The following TAC3 variants were observed in gnomAD, a reference collection of about 807,000 sequenced individuals.
TAC3 encodes the protein tachykinin precursor 3.
TAC3 carries 9 observed loss-of-function variants against 16.5 expected under a neutral mutation model. That is an observed-to-expected ratio of 0.55 (90% CI 0.33 to 0.95). TAC3 has a LOEUF of 0.95. Among genes scored for constraint, TAC3 ranks in the 40% least tolerant of loss-of-function variants. The pLI is 0.03. For synonymous variants in TAC3, 52 were observed against 56.7 expected (o/e 0.92, Z 0.37); for missense variants, 129 against 149.1 (o/e 0.87, Z 0.70).
Position 57,010,274 on chromosome 12 carries a change from T to A in TAC3, c.*16A>T. On this transcript the variant is annotated 3_prime_UTR_variant, in exon 7 of 7. Coordinates refer to ENST00000458521, the MANE Select transcript of TAC3 (RefSeq NM_013251.4). ...AGGTCTTCCTAATGCAGTCCAGGAG[T>A]CCGGAAGTGGAGTACTGAGGACAAA... 2.3e-6 allele frequency: 1 copy of A among 442,798 alleles called. No individual in the cohort carries two copies. The highest frequency in any genetic ancestry group is 4.5e-6 in the Non-Finnish European group (1 of 220,538). The allele number at this position is 442,798 out of a possible 1,614,324, so 27.4% of individuals were successfully genotyped here. A position where few individuals can be genotyped will look rare whatever the true frequency, so the allele number is the denominator to read the frequency against.
Position 57,012,792 on chromosome 12 carries a change from CCCTTCCACTGTA to C in TAC3, c.292+18_292+29del. 1 of 1,614,134 alleles carries C rather than the reference CCCTTCCACTGTA, an allele frequency of 6.2e-7. No individual in the cohort carries two copies. Among genetic ancestry groups the C allele is most frequent in the Admixed American group, 1.7e-5 (1 of 60,022 alleles). ...TGTCATACTCTGCCAGTACCCTAAGCCCTTCCACTGTACCTCCACACACTCCTACCTGGCTGG... is the reference window on the plus strand; with the variant it reads ...TGTCATACTCTGCCAGTACCCTAAGCCCTCCACACACTCCTACCTGGCTGG... On this transcript the variant is annotated intron_variant, in intron 5 of 6. Transcript: ENST00000458521.
chr12:57,012,961 G>T, intron 4 of TAC3, 86 bp from the exon 5 acceptor site: 1 of 1,541,696 alleles, frequency 6.5e-7, no homozygotes, highest in Non-Finnish European at 9.0e-7. Context: ...CTGAGACTGG[G>T]TTTCTGGTCT....
chr12:57,016,522 G>C lies in TAC3; in HGVS notation c.-141C>G. 2 of 454,490 alleles carry C rather than the reference G, an allele frequency of 4.4e-6. No homozygotes were observed. The highest frequency in any genetic ancestry group is 8.8e-6 in the Non-Finnish European group (2 of 226,780). 28.2% of individuals were successfully genotyped at this position (454,490 alleles called of 1,614,324 possible). A position where few individuals can be genotyped will look rare whatever the true frequency, so the allele number is the denominator to read the frequency against. ...AGAGAAACCGAGTGGAGGGGATCTA[G>C]GAAGGCTGCAGTCACTCAGTCCCAG... On this transcript the variant is annotated 5_prime_UTR_variant, in exon 1 of 7. Transcript: ENST00000458521.
intron 6 of TAC3, 100 bp downstream of exon 6, chr12:57,012,278 A>G: frequency 2.6e-6 from 3 of 1,147,238 alleles, no homozygotes; most frequent in Non-Finnish European, 3.8e-6. Context: ...GGGCAAATCT[A>G]TGAGCTTTAA....
intron 2 of TAC3, among the ~76,000 whole-genome samples, chr12:57,014,502 C>T (rs1330124806): frequency 6.6e-6 from 1 of 152,202 alleles, no homozygotes; most frequent in Admixed American, 6.5e-5. Context: ...GCCCCAATTT[C>T]CCTCATCCTC....
rs1204853207 is a variant in TAC3 at position 57,010,136 on chromosome 12, A to C, written c.*154T>G. 6.6e-6 allele frequency: 3 copies of C among 453,978 alleles called. No individual in the cohort carries two copies. Among genetic ancestry groups the C allele is most frequent in the Non-Finnish European group, 1.3e-5 (3 of 226,798 alleles). The allele number at this position is 453,978 out of a possible 1,614,324, so 28.1% of individuals were successfully genotyped here. On this transcript the variant is annotated 3_prime_UTR_variant, in exon 7 of 7. Transcript: ENST00000458521. Reference sequence around the variant, plus strand: ...GGGATATTCACTATGCAGTTTCCACACCAGGGTCAGGTAGAAAAGATGGAG... The same window carrying C: ...GGGATATTCACTATGCAGTTTCCACCCCAGGGTCAGGTAGAAAAGATGGAG...
rs766139407 is a variant in TAC3, at chr12:57,012,699, G to A, written c.292+123C>T. On this transcript the variant is annotated intron_variant, in intron 5 of 6. Transcript: ENST00000458521. The stretch of plus-strand genomic sequence containing the variant: ...AGCTGATTGGGATGAAGGGGCCGAG[G>A]AACCCTCACTGAAGGTAAGAAAGGT... 11 of 1,613,084 alleles carry A rather than the reference G, an allele frequency of 6.8e-6. No individual in the cohort carries two copies. The South Asian group carries it at 1.2e-4, about 18-fold the overall frequency.
rs1266924169 is a variant in TAC3, at chr12:57,015,710, C to T, written c.88G>A (p.Val30Met). The part of the protein sequence containing the change: ...GAVCKEPQEE[V>M]VPGGGRSKRD... Reference sequence around the variant, plus strand: ...TTGCTGCGGCCCCCGCCAGGAACCACCTCCTCCTGTGGCTCCTTACAGACA... The same window carrying T: ...TTGCTGCGGCCCCCGCCAGGAACCATCTCCTCCTGTGGCTCCTTACAGACA... The change falls in exon 2 of 7, where the codon GTG becomes ATG. Residue 30 changes from valine to methionine, a missense_variant. Val to Met is a conservative substitution (Grantham distance 21, BLOSUM62 1). Transcript: ENST00000458521. 3 of 1,614,002 alleles carry T rather than the reference C, an allele frequency of 1.9e-6. No homozygotes were observed. The highest frequency in any genetic ancestry group is 1.7e-5 in the Admixed American group (1 of 60,014).
Position 57,013,650 on chromosome 12 carries a change from G to A in TAC3, c.136C>T (p.Leu46=), listed in dbSNP as rs1285056984. ...TGGCTTTTGAAGAGTCTCTGGAGCAGCTGGTAGAGATCTGGATCCCTCTAG... is the reference window on the plus strand; with the variant it reads ...TGGCTTTTGAAGAGTCTCTGGAGCAACTGGTAGAGATCTGGATCCCTCTAG... ...RSKRDPDLYQ[L]LQRLFKSHSS... Residue 46 remains leucine (L), a synonymous_variant, in exon 3 of 7, where the codon CTG becomes TTG. Coordinates refer to ENST00000458521, the MANE Select transcript of TAC3 (RefSeq NM_013251.4). 6.2e-6 allele frequency: 10 copies of A among 1,613,102 alleles called. No individual in the cohort carries two copies. Among genetic ancestry groups the A allele is most frequent in the African/African-American group, 1.3e-5 (1 of 74,886 alleles).
chr12:57,015,658 C>G, intron 2 of TAC3, 26 bp downstream of exon 2: 1 of 1,601,158 alleles, frequency 6.2e-7, no homozygotes, highest in Non-Finnish European at 8.5e-7. Context: ...CGTGATGTCC[C>G]CAGTACTCTG....
intron 4 of TAC3, 73 bp downstream of exon 4, chr12:57,013,286 G>A (rs965509536): frequency 2.6e-6 from 4 of 1,558,210 alleles, no homozygotes; most frequent in Non-Finnish European, 3.5e-6. Flanking sequence ...TGGACAAAAT[G>A]GCCCCTGGGC....
In TAC3 at chr12:57,013,942, G is replaced by GC. The variant is rs549013635; in HGVS notation, c.115-272dup. On this transcript the variant is annotated intron_variant, in intron 2 of 6. Transcript: ENST00000458521. ...TGAGACAGAATCTGCATTTTAAGCA[G>GC]CCCCCCAGGTGATTCACATGCATGG... Among the ~76,000 whole-genome samples the GC allele has an allele frequency of 7.1e-4, 108 of 152,246 alleles. 2 individuals carry two copies. In the East Asian group the frequency reaches 0.012, roughly 17 times the overall value.
intron 5 of TAC3, 144 bp downstream of exon 5, chr12:57,012,678 G>A: frequency 6.2e-7 from 1 of 1,613,034 alleles, no homozygotes; most frequent in Non-Finnish European, 8.5e-7. Context: ...GATCCAAGCT[G>A]ATTGGGATGA....
At chr12:57,013,730 T>C in intron 2 of TAC3, 59 bp from the exon 3 acceptor site, 1 of 1,395,828 alleles carries the variant, frequency 7.2e-7, no homozygotes, top group Non-Finnish European at 1.0e-6. Context: ...CACTCATCCT[T>C]TTCCCACAAG....
chr12:57,015,841 A>G (rs759832337), intron 1 of TAC3, 39 bp from the exon 2 acceptor site: 3 of 1,558,854 alleles, frequency 1.9e-6, no homozygotes, highest in Non-Finnish European at 8.8e-7. Context: ...TAAAGGAGAG[A>G]AGAGGAAGAT....
chr12:57,014,838 C>G (rs1390060099), intron 2 of TAC3, among the ~76,000 whole-genome samples: 1 of 152,182 alleles, frequency 6.6e-6, no homozygotes, highest in Non-Finnish European at 1.5e-5. Context: ...GTTGAATACT[C>G]TGCCCACCTC....
chr12:57,013,264 G>A, intron 4 of TAC3, 95 bp downstream of exon 4: 2 of 1,454,776 alleles, frequency 1.4e-6, no homozygotes, highest in Non-Finnish European at 1.9e-6. Flanking sequence ...TTTGTACCAG[G>A]TGAGAAGGGG....
Sources: gnomAD v4.1 joint callset for allele counts (sites outside exome capture counted in the v4.1 genomes callset) on GRCh38, gnomAD v4.1.1 for gene constraint, MANE v1.5 for transcripts, NCBI Gene and HGNC (gene_info 2026-07-23, HGNC 2026-07-21) for gene names.